Variants in TAOK3 observed in about 807,000 individuals in gnomAD.
TAOK3 encodes TAO kinase 3, also known as serine/threonine-protein kinase TAO3.
A neutral mutation model predicts 120.4 loss-of-function variants in TAOK3; 40 were observed. That is an observed-to-expected ratio of 0.33 (90% CI 0.26 to 0.43). The LOEUF is 0.43. Among genes scored for constraint, TAOK3 ranks in the 20% least tolerant of loss-of-function variants. The pLI, the probability that TAOK3 is intolerant of heterozygous loss-of-function variation, is 1.00. For missense variants in TAOK3, 821 were observed against 1,112.1 expected, an observed-to-expected ratio of 0.74 and a Z score of 3.72; for synonymous variants, 355 against 387.5, an observed-to-expected ratio of 0.92 and a Z score of 0.99.
At chr12:118,318,592 A>G (rs2043572428) in intron 1 of TAOK3, among the ~76,000 whole-genome samples, 1 of 152,202 alleles carries the variant, frequency 6.6e-6, no homozygotes, top group South Asian at 2.1e-4. Flanking sequence ...AGTGTTGGTG[A>G]GCATGTAGAG....
chr12:118,227,924 GA>G lies in TAOK3; in HGVS notation c.643+5749del, dbSNP rs199644036. 1.5e-3 allele frequency among the ~76,000 whole-genome samples: 223 copies of G among 152,074 alleles called. 5 individuals are homozygous for G. In the East Asian group the frequency reaches 0.036, roughly 24 times the overall value. ...GAATATATATTTACTTCTAATTTTT[GA>G]AAAGTTCAATTATTCAATATTTAAA... On this transcript the variant is annotated intron_variant, in intron 9 of 20. Coordinates refer to ENST00000392533, the MANE Select transcript of TAOK3 (RefSeq NM_016281.4).
chr12:118,348,875 T>TCTCA (rs1381496065), intron 1 of TAOK3, among the ~76,000 whole-genome samples: 2 of 134,546 alleles, frequency 1.5e-5, no homozygotes, highest in Non-Finnish European at 3.2e-5. Flanking sequence ...TGAGAACGGG[T>TCTCA]CTCACTCTTG....
chr12:118,152,331 C>T lies in TAOK3; in HGVS notation c.2431G>A (p.Ala811Thr). 2 of 1,614,132 alleles carry T rather than the reference C, an allele frequency of 1.2e-6. No individual in the cohort carries two copies. The highest frequency in any genetic ancestry group is 1.7e-6 in the Non-Finnish European group (2 of 1,180,022). ...QLQQEMELLN[A>T]YQSKIKMQTE... is the part of the protein sequence containing the mutation. ...TGCATCTTGATTTTGCTCTGGTAGG[C>T]GTTGAGCAGCTCCATTTCCTGCTGG... Residue 811 changes from alanine to threonine, a missense_variant, in exon 20 of 21, where the codon GCC becomes ACC. By Grantham distance (58) the Ala-to-Thr change is moderately conservative (BLOSUM62 0). Around this residue, in one of 2 missense-constraint regions of TAOK3, gnomAD observed 354 missense variants for 572.1 expected, o/e 0.62. Coordinates refer to ENST00000392533, the MANE Select transcript of TAOK3 (RefSeq NM_016281.4).
At chr12:118,279,027 G>A (rs1245093448) in intron 1 of TAOK3, among the ~76,000 whole-genome samples, 2 of 152,006 alleles carry the variant, frequency 1.3e-5, no homozygotes, top group Admixed American at 1.3e-4. Context: ...GGTTGGTTTC[G>A]AACTCCTGAC....
intron 1 of TAOK3, among the ~76,000 whole-genome samples, chr12:118,283,067 C>T (rs1189849511): frequency 6.6e-6 from 1 of 152,200 alleles, no homozygotes; most frequent in Admixed American, 6.5e-5. Context: ...CCTTAATTCC[C>T]TGTAGCCTGA....
intron 16 of TAOK3, among the ~76,000 whole-genome samples, chr12:118,174,027 A>T (rs1176009821): frequency 1.3e-5 from 2 of 152,210 alleles, no homozygotes; most frequent in Non-Finnish European, 2.9e-5. Flanking sequence ...GGATCACAAG[A>T]GGAAGCCTGG....
At chr12:118,166,177 A>G (rs1240282900) in intron 17 of TAOK3, among the ~76,000 whole-genome samples, 1 of 152,216 alleles carries the variant, frequency 6.6e-6, no homozygotes, top group African/African-American at 2.4e-5. Context: ...AAGTTACACA[A>G]CTTCTATAAA....
chr12:118,156,850 G>A (rs1198181585), intron 19 of TAOK3, among the ~76,000 whole-genome samples: 1 of 151,824 alleles, frequency 6.6e-6, no homozygotes, highest in Admixed American at 6.6e-5. Flanking sequence ...CGATTCTCCC[G>A]CCTCAGTCTC....
intron 20 of TAOK3, 33 bp downstream of exon 20, chr12:118,152,194 A>C: frequency 1.3e-6 from 2 of 1,597,298 alleles, no homozygotes; most frequent in Non-Finnish European, 1.7e-6. Flanking sequence ...CCTTCCACCC[A>C]GTGGCACCGG....
At chr12:118,347,064 T>C (rs2044890964) in intron 1 of TAOK3, among the ~76,000 whole-genome samples, 1 of 152,170 alleles carries the variant, frequency 6.6e-6, no homozygotes, top group Admixed American at 6.5e-5. Context: ...GGTGGCACGA[T>C]CATGATCCTG....
rs531943795 is a variant in TAOK3 at position 118,246,439 on chromosome 12, G to A, written c.121-1474C>T. 5.9e-5 allele frequency: 76 copies of A among 1,287,746 alleles called. 2 individuals are homozygous for A. The South Asian group carries it at 7.2e-4, about 12-fold the overall frequency. 79.8% of individuals were successfully genotyped at this position (1,287,746 alleles called of 1,614,324 possible). ...CCAGTGCAGAAGCAGACCCGTGCCA[G>A]CCAGCGCACCAGGTTCAAGGCGTTT... On this transcript the variant is annotated intron_variant, in intron 3 of 20. Coordinates refer to ENST00000392533, the MANE Select transcript of TAOK3 (RefSeq NM_016281.4).
chr12:118,183,244 C>G (rs901258731), intron 14 of TAOK3, among the ~76,000 whole-genome samples: 2 of 152,138 alleles, frequency 1.3e-5, no homozygotes, highest in African/African-American at 4.8e-5. Flanking sequence ...GTTTGTTTCT[C>G]TGCTCTTTTT....
At chr12:118,185,072 C>T (rs1019611921) in intron 14 of TAOK3, among the ~76,000 whole-genome samples, 45 of 147,218 alleles carry the variant, frequency 3.1e-4, no homozygotes, top group African/African-American at 1.1e-3. Flanking sequence ...ACACAGAGCA[C>T]AAGTGGATCC....
At chr12:118,308,150 T>A (rs1182148917) in intron 1 of TAOK3, among the ~76,000 whole-genome samples, 1 of 152,094 alleles carries the variant, frequency 6.6e-6, no homozygotes, top group African/African-American at 2.4e-5. Context: ...AAAACCAAGA[T>A]GGCAATGAGA....
intron 1 of TAOK3, among the ~76,000 whole-genome samples, chr12:118,288,802 G>A (rs943546412): frequency 6.6e-6 from 1 of 151,202 alleles, no homozygotes; most frequent in East Asian, 2.0e-4. Context: ...TGTAATCCCA[G>A]CTACTTGGGA....
intron 1 of TAOK3, among the ~76,000 whole-genome samples, chr12:118,302,730 A>T (rs1480582161): frequency 6.6e-6 from 1 of 152,216 alleles, no homozygotes; most frequent in East Asian, 1.9e-4. Flanking sequence ...TGGAGGAACA[A>T]CTATTCAATG....
chr12:118,210,770 G>A (rs376370236), intron 11 of TAOK3, among the ~76,000 whole-genome samples: 43 of 140,136 alleles, frequency 3.1e-4, no homozygotes, highest in African/African-American at 9.2e-4. Context: ...ACCTAGTGTC[G>A]CTCTGTTGCC....
intron 1 of TAOK3, among the ~76,000 whole-genome samples, chr12:118,309,597 C>T (rs537886898): frequency 2.0e-5 from 3 of 151,880 alleles, no homozygotes; most frequent in Non-Finnish European, 4.4e-5. Flanking sequence ...CTCACTGCAA[C>T]CTCCGCCTTC....
chr12:118,369,318 TCCTAACC>T (rs1239716605), intron 1 of TAOK3, among the ~76,000 whole-genome samples: 1 of 152,188 alleles, frequency 6.6e-6, no homozygotes, highest in Non-Finnish European at 1.5e-5. Context: ...CTACCTACTC[TCCTAACC>T]CCCCAGGGAA....
Sources: gnomAD v4.1 joint callset for allele counts (sites outside exome capture counted in the v4.1 genomes callset) on GRCh38, gnomAD v4.1.1 for gene constraint, gnomAD v4.1.1 regional missense constraint, MANE v1.5 for transcripts, NCBI Gene and HGNC (gene_info 2026-07-23, HGNC 2026-07-21) for gene names.